The following MEGF8 variants were observed in gnomAD, a reference collection of about 807,000 sequenced individuals.
MEGF8 encodes the protein multiple epidermal growth factor-like domains protein 8.
In MEGF8, 156 loss-of-function variants were observed where a neutral mutation model predicts 302.9. The ratio of observed to expected loss-of-function variants is 0.52; its 90% confidence interval spans 0.45 to 0.59. MEGF8 has a LOEUF of 0.59. Ranked by LOEUF, MEGF8 falls within the 20% of genes least tolerant of loss-of-function variation. MEGF8 has a pLI of 0.00. For synonymous variants in MEGF8, 1,621 were observed against 1,660.5 expected, an observed-to-expected ratio of 0.98 and a Z score of 0.58; for missense variants, 3,345 against 3,964.5, an observed-to-expected ratio of 0.84 and a Z score of 4.20.
At chr19:42,349,732 C>T (rs371570132) in intron 14 of MEGF8, 33 bp downstream of exon 14, 12 of 1,594,848 alleles carry the variant, frequency 7.5e-6, no homozygotes, top group Admixed American at 5.0e-5. Context: ...CAACCCTAGC[C>T]GCAGGCCCCA....
chr19:42,326,091 C>G lies in MEGF8; in HGVS notation c.-153C>G. ...GCCTGTCAGCAGTGGCCGTACCCTT[C>G]GCCGGGACTGCCGGGTCTCCGGGAC... On this transcript the variant is annotated 5_prime_UTR_variant, in exon 1 of 42. Transcript: ENST00000251268. The G allele has an allele frequency of 7.8e-7, 1 of 1,277,254 alleles. No homozygotes were observed. Among genetic ancestry groups the G allele is most frequent in the Non-Finnish European group, 1.0e-6 (1 of 985,308 alleles). 79.1% of individuals were successfully genotyped at this position (1,277,254 alleles called of 1,614,324 possible). A position where few individuals can be genotyped will look rare whatever the true frequency, so the allele number is the denominator to read the frequency against.
intron 12 of MEGF8, among the ~76,000 whole-genome samples, chr19:42,345,278 T>C (rs987849183): frequency 2.0e-5 from 3 of 152,250 alleles, no homozygotes; most frequent in Non-Finnish European, 2.9e-5. Flanking sequence ...GGCCTCCTTA[T>C]AGATTTTAAA....
At position 42,350,143 on chromosome 19, in the gene MEGF8, C is replaced by G. The variant is rs754981918; in HGVS notation, c.2500-5C>G. 3 of 1,607,282 alleles carry G rather than the reference C, an allele frequency of 1.9e-6. No homozygotes were observed. The highest frequency in any genetic ancestry group is 2.2e-5 in the South Asian group (2 of 90,680). On this transcript the variant is annotated splice_polypyrimidine_tract_variant and splice_region_variant and intron_variant, in intron 14 of 41. Transcript: ENST00000251268. Reference sequence around the variant, plus strand: ...ACTGCTGCCTTCCTGTGACCCCTTCCCCAGGAGATCTCCTTCTTCTTCCTG... The same window carrying G: ...ACTGCTGCCTTCCTGTGACCCCTTCGCCAGGAGATCTCCTTCTTCTTCCTG...
Position 42,354,165 on chromosome 19 carries a change from T to A in MEGF8, c.4011+141T>A. 1 of 1,055,542 alleles carries A rather than the reference T, an allele frequency of 9.5e-7. No individual in the cohort carries two copies. Among genetic ancestry groups the A allele is most frequent in the Non-Finnish European group, 1.3e-6 (1 of 755,218 alleles). The allele number at this position is 1,055,542 out of a possible 1,614,324, so 65.4% of individuals were successfully genotyped here. On this transcript the variant is annotated intron_variant, in intron 22 of 41. Transcript: ENST00000251268. The surrounding 1 kb of genome is among the most constrained non-coding windows in gnomAD (Gnocchi z 4.3). ...AATCCTTCAAAACCCAAACTCCTCC[T>A]CAGATCCCCAGCACTTTGTTCCTAG... is the stretch of plus-strand genomic sequence containing the variant.
In MEGF8 at chr19:42,354,215, C is replaced by T. The variant is rs928469360; in HGVS notation, c.4011+191C>T. 1.3e-5 allele frequency among the ~76,000 whole-genome samples: 2 copies of T among 151,918 alleles called. No individual in the cohort carries two copies. Among genetic ancestry groups the T allele is most frequent in the East Asian group, 3.9e-4 (2 of 5,160 alleles). On this transcript the variant is annotated intron_variant, in intron 22 of 41. Coordinates refer to ENST00000251268, the MANE Select transcript of MEGF8 (RefSeq NM_001271938.2). The surrounding 1 kb of genome is among the most constrained non-coding windows in gnomAD (Gnocchi z 4.3). ...GGCCCACAGACAGACCCCCCCATTT[C>T]CCAGATAGCTTCCTATTTCCTCAGC...
rs2038977624 is a variant in MEGF8 at position 42,325,909 on chromosome 19, G to C, written c.-335G>C. On this transcript the variant is annotated 5_prime_UTR_variant, in exon 1 of 42. Transcript: ENST00000251268. ...AGGTCCGTTTGGCCTGCAGCAGCCT[G>C]AGTCCGTAATGCTGGGCACTGTTCA... The C allele has an allele frequency of 1.1e-5, 3 of 265,080 alleles. No homozygotes were observed. The highest frequency in any genetic ancestry group is 2.1e-5 in the Non-Finnish European group (3 of 141,542). The allele number at this position is 265,080 out of a possible 1,614,324, so 16.4% of individuals were successfully genotyped here.
Position 42,336,690 on chromosome 19 carries a change from ACATAGAGTCAGT to A in MEGF8, c.1245-113_1245-102del. On this transcript the variant is annotated intron_variant, in intron 6 of 41. Transcript: ENST00000251268. This position sits in a 1 kb window ranked among gnomAD's most constrained non-coding sequence, Gnocchi z 4.8. ...ACAGGGAACTTCTAGTTTGGAGGGG[ACATAGAGTCAGT>A]CATGGCCAGTCTCATCCCTGGGTGA... 1 of 1,414,816 alleles carries A rather than the reference ACATAGAGTCAGT, an allele frequency of 7.1e-7. No homozygotes were observed. 87.6% of individuals were successfully genotyped at this position (1,414,816 alleles called of 1,614,324 possible).
chr19:42,351,292 G>T lies in MEGF8; in HGVS notation c.2813G>T (p.Gly938Val), dbSNP rs756533048. ...AACSRRGRGR[G>V]ALKSPEECPP... ...TGCAGCCGGCGGGGCCGGGGTCGGG[G>T]TGCCCTGAAGAGTCCAGAGGAGTGT... Residue 938 changes from glycine to valine, a missense_variant, in exon 16 of 42, where the codon GGT becomes GTT. Transcript: ENST00000251268. This position sits in a 1 kb window ranked among gnomAD's most constrained non-coding sequence, Gnocchi z 5.6. 1.3e-6 allele frequency: 2 copies of T among 1,569,142 alleles called. No individual in the cohort carries two copies. The highest frequency in any genetic ancestry group is 1.7e-6 in the Non-Finnish European group (2 of 1,156,774).
intron 35 of MEGF8, among the ~76,000 whole-genome samples, chr19:42,367,181 T>C (rs2039617676): frequency 1.3e-5 from 2 of 152,152 alleles, no homozygotes; most frequent in African/African-American, 4.8e-5. Context: ...GGCTTGTGAG[T>C]TGCTACCCAG....
rs2039489474 is a variant in MEGF8 at position 42,358,791 on chromosome 19, A to G, written c.5180A>G (p.Asp1727Gly). Residue 1727 changes from aspartate (D) to glycine (G), a missense_variant, in exon 30 of 42, where the codon GAT becomes GGT. Asp to Gly is a moderately conservative substitution (Grantham distance 94). Coordinates refer to ENST00000251268, the MANE Select transcript of MEGF8 (RefSeq NM_001271938.2). The surrounding 1 kb of genome is among the most constrained non-coding windows in gnomAD (Gnocchi z 4.4). ...LLAPSQGAKR[D>G]RMRNVRGSSR... ...GGACGCCCCCACTGTCACTAGCGAG[A>G]TCGTATGAGGAATGTGCGTGGCTCA... is the stretch of plus-strand genomic sequence containing the variant. 3 of 1,547,390 alleles carry G rather than the reference A, an allele frequency of 1.9e-6. No individual in the cohort carries two copies. Among genetic ancestry groups the G allele is most frequent in the Non-Finnish European group, 2.6e-6 (3 of 1,147,706 alleles).
chr19:42,331,061 CAG>C (rs1283111216), intron 1 of MEGF8, among the ~76,000 whole-genome samples: 1 of 152,122 alleles, frequency 6.6e-6, no homozygotes, highest in East Asian at 1.9e-4. Flanking sequence ...AGACTCATGT[CAG>C]GGGAAGAAGG....
intron 9 of MEGF8, 48 bp downstream of exon 9, chr19:42,343,679 C>A (rs1383844840): frequency 1.3e-6 from 2 of 1,541,418 alleles, no homozygotes; most frequent in Non-Finnish European, 1.8e-6. Flanking sequence ...GAGGAGGTAG[C>A]AGGGTTTCCA....
At chr19:42,346,316 C>A (rs1009766555) in intron 12 of MEGF8, among the ~76,000 whole-genome samples, 1 of 149,352 alleles carries the variant, frequency 6.7e-6, no homozygotes. Context: ...CCGAGGTGGG[C>A]GGATCTCTTG....
Position 42,344,513 on chromosome 19 carries a change from C to T in MEGF8, c.1861C>T (p.Pro621Ser), listed in dbSNP as rs2039260209. 1 of 1,599,532 alleles carries T rather than the reference C, an allele frequency of 6.3e-7. No homozygotes were observed. Among genetic ancestry groups the T allele is most frequent in the Non-Finnish European group, 8.5e-7 (1 of 1,179,352 alleles). Residue 621 changes from proline (P) to serine (S), a missense_variant, in exon 11 of 42, where the codon CCC becomes TCC. By Grantham distance (74) the Pro-to-Ser change is moderately conservative (BLOSUM62 -1). Coordinates refer to ENST00000251268, the MANE Select transcript of MEGF8 (RefSeq NM_001271938.2). This position sits in a 1 kb window ranked among gnomAD's most constrained non-coding sequence, Gnocchi z 4.5. ...DCQACLAFSSPTAPPRGPGTL... is the reference protein window; with the variant it reads ...DCQACLAFSSSTAPPRGPGTL... ...CCAGGCCTGCCTGGCCTTCAGCAGCCCCACAGCCCCTCCACGGGGACCTGG... is the reference window on the plus strand; with the variant it reads ...CCAGGCCTGCCTGGCCTTCAGCAGCTCCACAGCCCCTCCACGGGGACCTGG...
chr19:42,371,628 C>T, intron 41 of MEGF8, 146 bp downstream of exon 41: 3 of 1,149,466 alleles, frequency 2.6e-6, no homozygotes, highest in Non-Finnish European at 2.5e-6. Context: ...ACAGACTGTT[C>T]CTGAGCCCCA....
rs2039492163 is a variant in MEGF8, at chr19:42,358,945, C to T, written c.5334C>T (p.His1778=). ...GTTTCCTGGAGGAAATCTCACCTCA[C>T]CTGAAGGAGGTGAGATTTGAAGAGG... ...TGGFLEEISP[H]LKEPRPRLFH... Residue 1778 remains histidine, a synonymous_variant, in exon 30 of 42, where the codon CAC becomes CAT. Coordinates refer to ENST00000251268, the MANE Select transcript of MEGF8 (RefSeq NM_001271938.2). This position sits in a 1 kb window ranked among gnomAD's most constrained non-coding sequence, Gnocchi z 4.4. The T allele has an allele frequency of 6.2e-7, 1 of 1,609,834 alleles. No homozygotes were observed. Among genetic ancestry groups the T allele is most frequent in the South Asian group, 1.1e-5 (1 of 89,984 alleles).
At chr19:42,367,738 C>G (rs1218695585) in intron 35 of MEGF8, among the ~76,000 whole-genome samples, 1 of 152,174 alleles carries the variant, frequency 6.6e-6, no homozygotes, top group East Asian at 1.9e-4. Flanking sequence ...GAAAGTACAG[C>G]AGGGCCTCAC....
At chr19:42,343,717 C>T in intron 9 of MEGF8, 86 bp downstream of exon 9, 1 of 1,454,278 alleles carries the variant, frequency 6.9e-7, no homozygotes. Flanking sequence ...AGGAGGGGAT[C>T]CCTGGGAGAA....
At position 42,368,542 on chromosome 19, in the gene MEGF8, T is replaced by C; in HGVS notation, c.6361T>C (p.Cys2121Arg). 2 of 1,603,710 alleles carry C rather than the reference T, an allele frequency of 1.2e-6. No individual in the cohort carries two copies. The highest frequency in any genetic ancestry group is 8.5e-7 in the Non-Finnish European group (1 of 1,175,952). Residue 2121 changes from cysteine to arginine, a missense_variant, in exon 36 of 42, where the codon TGT becomes CGT. Coordinates refer to ENST00000251268, the MANE Select transcript of MEGF8 (RefSeq NM_001271938.2). This position sits in a 1 kb window ranked among gnomAD's most constrained non-coding sequence, Gnocchi z 4.9. ...LRGPESCSLGCAQATQCALCL... is the reference protein window; with the variant it reads ...LRGPESCSLGRAQATQCALCL... ...GGGACCTGAGAGCTGCTCCCTGGGC[T>C]GTGCTCAGGCAACTCAGTGCGCCTT...
Sources: allele counts gnomAD v4.1 joint callset (sites outside exome capture counted in the v4.1 genomes callset), GRCh38; gene constraint gnomAD v4.1.1; non-coding constraint Gnocchi (gnomAD v3.1); transcripts MANE v1.5; gene names NCBI Gene and HGNC (gene_info 2026-07-23, HGNC 2026-07-21).